TMEM132D: variants seen among roughly 807,000 people sequenced by gnomAD.
The protein encoded by TMEM132D is mature OL transmembrane protein.
In TMEM132D, 21 loss-of-function variants were observed where a neutral mutation model predicts 62.3. The ratio of observed to expected loss-of-function variants is 0.34; its 90% confidence interval spans 0.24 to 0.49. The LOEUF is 0.49. Ranked by LOEUF, TMEM132D falls within the 20% of genes least tolerant of loss-of-function variation. TMEM132D has a pLI of 0.99. For synonymous variants in TMEM132D, 621 were observed against 575.6 expected, an observed-to-expected ratio of 1.08 and a Z score of -1.13; for missense variants, 1,346 against 1,402.8, an observed-to-expected ratio of 0.96 and a Z score of 0.65.
At position 129,819,511 on chromosome 12, in the gene TMEM132D, G is replaced by A. The variant is rs565325656; in HGVS notation, c.79+83750C>T. On this transcript the variant is annotated intron_variant, in intron 1 of 8. Coordinates refer to ENST00000422113, the MANE Select transcript of TMEM132D (RefSeq NM_133448.3). ...TCCACACGCCCCAGGTTCTTCCTGC[G>A]GCATTCAGCACAAAACTTGCTTGTG... 7.9e-5 allele frequency among the ~76,000 whole-genome samples: 12 copies of A among 152,168 alleles called. No individual in the cohort carries two copies. The South Asian group carries it at 1.9e-3, about 24-fold the overall frequency.
intron 4 of TMEM132D, among the ~76,000 whole-genome samples, chr12:129,218,473 C>G (rs756635329): frequency 6.6e-6 from 1 of 152,150 alleles, no homozygotes; most frequent in Non-Finnish European, 1.5e-5. Context: ...CTACAGGCAG[C>G]TGAAACACCA....
At chr12:129,891,663 A>C (rs1874928921) in intron 1 of TMEM132D, among the ~76,000 whole-genome samples, 1 of 152,248 alleles carries the variant, frequency 6.6e-6, no homozygotes, top group South Asian at 2.1e-4. Flanking sequence ...CTCAAAACTT[A>C]AATTATGCAC....
chr12:129,689,656 G>T (rs1881016858), intron 2 of TMEM132D, among the ~76,000 whole-genome samples: 1 of 152,084 alleles, frequency 6.6e-6, no homozygotes, highest in Non-Finnish European at 1.5e-5. Flanking sequence ...TAGCTTCTGG[G>T]TTCTAGGTTG....
chr12:129,545,078 C>A (rs1358719065), intron 2 of TMEM132D, among the ~76,000 whole-genome samples: 1 of 152,214 alleles, frequency 6.6e-6, no homozygotes, highest in Non-Finnish European at 1.5e-5. Flanking sequence ...TCTTTCTGGT[C>A]ACTGTGATTG....
In TMEM132D at chr12:129,606,926, A is replaced by G. The variant is rs542122882; in HGVS notation, c.969-75721T>C. On this transcript the variant is annotated intron_variant, in intron 2 of 8. Coordinates refer to ENST00000422113, the MANE Select transcript of TMEM132D (RefSeq NM_133448.3). Reference sequence around the variant, plus strand: ...TAGAACAGTGAGAGGTGGCAGGTGCATTGTTCATTCTCTTGGATTTCCAAC... The same window carrying G: ...TAGAACAGTGAGAGGTGGCAGGTGCGTTGTTCATTCTCTTGGATTTCCAAC... Among the ~76,000 whole-genome samples, 3 of 152,288 alleles carry G rather than the reference A, an allele frequency of 2.0e-5. No individual in the cohort carries two copies. The East Asian group carries it at 5.8e-4, about 29-fold the overall frequency.
At chr12:129,096,716 T>C (rs6486771) in intron 5 of TMEM132D, among the ~76,000 whole-genome samples, 98,488 of 152,058 alleles carry the variant, frequency 0.65, 32,015 homozygotes, top group East Asian at 0.76. Context: ...AGTTATGACA[T>C]GGAACAGGGA....
chr12:129,714,613 A>G (rs926352105), intron 1 of TMEM132D, among the ~76,000 whole-genome samples: 2 of 152,232 alleles, frequency 1.3e-5, no homozygotes, highest in Non-Finnish European at 2.9e-5. Flanking sequence ...AAAGTATCAG[A>G]TCATAATAAT....
intron 4 of TMEM132D, among the ~76,000 whole-genome samples, chr12:129,259,960 G>T (rs1880511040): frequency 6.6e-6 from 1 of 152,046 alleles, no homozygotes; most frequent in Non-Finnish European, 1.5e-5. Context: ...TTTTCATTTG[G>T]CCATGCTAAG....
chr12:129,364,589 T>C (rs1288998004), intron 3 of TMEM132D, among the ~76,000 whole-genome samples: 4 of 152,254 alleles, frequency 2.6e-5, no homozygotes, highest in African/African-American at 9.6e-5. Flanking sequence ...TGATGTTAAC[T>C]GCTATTCCCA....
rs180928524 is a variant in TMEM132D, at chr12:129,172,231, G to A, written c.1443+37289C>T. Among the ~76,000 whole-genome samples the A allele has an allele frequency of 6.6e-4, 101 of 152,214 alleles. 3 individuals carry two copies. The highest frequency in any genetic ancestry group is 3.0e-3 in the Admixed American group (46 of 15,292). On this transcript the variant is annotated intron_variant, in intron 5 of 8. Transcript: ENST00000422113. ...CCAGCTTTTCTTCTGCAGCTTCCTC[G>A]CTCCTCTCAGCCTACATAGCCTTGC...
chr12:129,623,746 C>CACACATATAT lies in TMEM132D; in HGVS notation c.968+76063_968+76064insATATATGTGT, dbSNP rs1251529106. ...ATACATACATATATACATATATATA[C>CACACATATAT]ACATATATATACACACATATATATA... On this transcript the variant is annotated intron_variant, in intron 2 of 8. Coordinates refer to ENST00000422113, the MANE Select transcript of TMEM132D (RefSeq NM_133448.3). 7.7e-3 allele frequency among the ~76,000 whole-genome samples: 997 copies of CACACATATAT among 129,014 alleles called. 16 individuals carry two copies. The highest frequency in any genetic ancestry group is 0.03 in the African/African-American group (948 of 31,902). The allele number at this position is 129,014 out of a possible 152,430, so 84.6% of individuals were successfully genotyped here. A position where few individuals can be genotyped will look rare whatever the true frequency, so the allele number is the denominator to read the frequency against.
intron 2 of TMEM132D, among the ~76,000 whole-genome samples, chr12:129,691,787 A>G (rs957846280): frequency 3.9e-5 from 6 of 152,046 alleles, no homozygotes; most frequent in African/African-American, 1.4e-4. Flanking sequence ...AACAAGCAAA[A>G]CAACTCCGCT....
chr12:129,298,651 C>T (rs570552568), intron 4 of TMEM132D, among the ~76,000 whole-genome samples: 3 of 152,174 alleles, frequency 2.0e-5, no homozygotes, highest in Non-Finnish European at 4.4e-5. Flanking sequence ...TTCTGGTAAC[C>T]AACGGTTCTA....
intron 3 of TMEM132D, among the ~76,000 whole-genome samples, chr12:129,522,981 A>C (rs938021458): frequency 2.0e-5 from 3 of 152,010 alleles, no homozygotes; most frequent in Non-Finnish European, 4.4e-5. Context: ...TTAGATATAG[A>C]AAAATAGATG....
chr12:129,149,868 TG>T (rs1877021444), intron 5 of TMEM132D, among the ~76,000 whole-genome samples: 2 of 152,202 alleles, frequency 1.3e-5, no homozygotes, highest in African/African-American at 4.8e-5. Context: ...CTGTGTGTCC[TG>T]AACACTCCTC....
chr12:129,831,871 T>TTTTTC (rs1368242796), intron 1 of TMEM132D, among the ~76,000 whole-genome samples: 258 of 48,522 alleles, frequency 5.3e-3, no homozygotes, highest in African/African-American at 8.0e-3. Context: ...TCTTTCTTTC[T>TTTTTC]TTTTCTTTTT....
At chr12:129,292,053 G>T (rs1881463040) in intron 4 of TMEM132D, among the ~76,000 whole-genome samples, 1 of 152,036 alleles carries the variant, frequency 6.6e-6, no homozygotes, top group Non-Finnish European at 1.5e-5. Context: ...ATCATGGGTT[G>T]GTATGATAAC....
intron 3 of TMEM132D, among the ~76,000 whole-genome samples, chr12:129,415,904 T>C (rs1872106365): frequency 6.6e-6 from 1 of 152,172 alleles, no homozygotes; most frequent in East Asian, 1.9e-4. Context: ...TGCTCTTCTC[T>C]GTTAATCATT....
intron 3 of TMEM132D, among the ~76,000 whole-genome samples, chr12:129,412,646 G>T (rs1176090879): frequency 1.3e-5 from 2 of 152,142 alleles, no homozygotes; most frequent in Non-Finnish European, 2.9e-5. Flanking sequence ...CACTTGATCA[G>T]GAGTTTGAGA....
Sources: gnomAD v4.1 joint callset for allele counts (sites outside exome capture counted in the v4.1 genomes callset) on GRCh38, gnomAD v4.1.1 for gene constraint, MANE v1.5 for transcripts, NCBI Gene and HGNC (gene_info 2026-07-23, HGNC 2026-07-21) for gene names.